Variants in CPB2 observed in about 807,000 individuals in gnomAD.
CPB2 encodes carboxypeptidase B-like protein.
Under a neutral mutation model 57.0 loss-of-function variants are expected in CPB2, and 54 were observed. The observed-to-expected ratio is 0.95, with a 90% CI of 0.76 to 1.19. CPB2 has a LOEUF of 1.19. CPB2 is among the 50% of genes most tolerant of loss of function. The pLI, the probability that CPB2 is intolerant of heterozygous loss-of-function variation, is 0.00. For missense variants in CPB2, 426 were observed against 512.0 expected, an observed-to-expected ratio of 0.83 and a Z score of 1.62; for synonymous variants, 189 against 178.1, an observed-to-expected ratio of 1.06 and a Z score of -0.49.
intron 1 of CPB2, among the ~76,000 whole-genome samples, chr13:46,095,427 T>G (rs1261848089): frequency 6.6e-6 from 1 of 152,160 alleles, no homozygotes; most frequent in African/African-American, 2.4e-5. Flanking sequence ...CACATTTAAT[T>G]TGCCATCTGG....
Position 46,058,277 on chromosome 13 carries a change from T to C in CPB2, c.901A>G (p.Asn301Asp). The C allele has an allele frequency of 6.2e-7, 1 of 1,614,096 alleles. No individual in the cohort carries two copies. Among genetic ancestry groups the C allele is most frequent in the Non-Finnish European group, 8.5e-7 (1 of 1,179,940 alleles). ...ATGCTGATGTATGCTTTAATCTGGT[T>C]GATATTTCTTCTCAAGAAACTAGCC... ...AVASFLRRNI[N>D]QIKAYISMHS... The change falls in exon 9 of 11, where the codon AAC becomes GAC. Residue 301 changes from asparagine to aspartate, a missense_variant. Transcript: ENST00000181383.
intron 6 of CPB2, chr13:46,073,390 C>A: frequency 5.6e-6 from 4 of 715,122 alleles, no homozygotes; most frequent in Non-Finnish European, 6.9e-6. Flanking sequence ...ATGCAAAACC[C>A]TTCTTCAGGA....
intron 1 of CPB2, among the ~76,000 whole-genome samples, chr13:46,088,982 CT>C (rs199541259): frequency 2.3e-3 from 301 of 131,582 alleles, no homozygotes; most frequent in African/African-American, 4.3e-3. Context: ...TGATGATGTG[CT>C]TTTTTTTTTT....
intron 7 of CPB2, among the ~76,000 whole-genome samples, chr13:46,065,507 G>A (rs2044839896): frequency 6.6e-6 from 1 of 151,438 alleles, no homozygotes; most frequent in African/African-American, 2.4e-5. Context: ...GGCACCTGTA[G>A]TCCCAGCTAC....
At chr13:46,081,113 G>T (rs923107779) in intron 4 of CPB2, among the ~76,000 whole-genome samples, 1 of 151,872 alleles carries the variant, frequency 6.6e-6, no homozygotes, top group Non-Finnish European at 1.5e-5. Context: ...AGAATCATGA[G>T]AAAACAAATT....
chr13:46,088,334 T>G (rs1032145167), intron 1 of CPB2, among the ~76,000 whole-genome samples: 1 of 152,198 alleles, frequency 6.6e-6, no homozygotes, highest in African/African-American at 2.4e-5. Context: ...ATAGCATGGA[T>G]TTTTAAACAC....
chr13:46,095,880 T>C (rs2139420403), intron 1 of CPB2, among the ~76,000 whole-genome samples: 1 of 147,108 alleles, frequency 6.8e-6, no homozygotes, highest in South Asian at 2.2e-4. Flanking sequence ...ATAGGACTTT[T>C]TTTTTTTTTT....
intron 5 of CPB2, among the ~76,000 whole-genome samples, chr13:46,074,272 G>A (rs888331074): frequency 6.6e-6 from 1 of 152,178 alleles, no homozygotes; most frequent in Non-Finnish European, 1.5e-5. Flanking sequence ...GCATGTGGAA[G>A]TTTCAAAGAA....
chr13:46,081,713 T>G (rs548202743), intron 4 of CPB2, among the ~76,000 whole-genome samples: 1 of 152,338 alleles, frequency 6.6e-6, no homozygotes, highest in Admixed American at 6.5e-5. Flanking sequence ...GCAATATAGC[T>G]GCATACTCAT....
chr13:46,053,693 T>C lies in CPB2; in HGVS notation c.1193A>G (p.Glu398Gly). 1 of 1,614,168 alleles carries C rather than the reference T, an allele frequency of 6.2e-7. No homozygotes were observed. Among genetic ancestry groups the C allele is most frequent in the South Asian group, 1.1e-5 (1 of 91,080 alleles). ...TCTACAGGTGGGTTTGATGTAACGC[T>C]CCGGCAGCAAGAATCCGTATGTGCC... ...DTGTYGFLLPERYIKPTCREA... is the reference protein window; with the variant it reads ...DTGTYGFLLPGRYIKPTCREA... Residue 398 changes from glutamate (E) to glycine (G), a missense_variant, in exon 11 of 11, where the codon GAG (glutamate) becomes GGG (glycine). By Grantham distance (98) the Glu-to-Gly change is moderately conservative. Coordinates refer to ENST00000181383, the MANE Select transcript of CPB2 (RefSeq NM_001872.5).
chr13:46,086,722 G>C (rs1021895107), intron 2 of CPB2, among the ~76,000 whole-genome samples: 1 of 152,224 alleles, frequency 6.6e-6, no homozygotes, highest in Non-Finnish European at 1.5e-5. Context: ...GCCTCCTACG[G>C]CTATTTATGG....
intron 1 of CPB2, chr13:46,100,005 A>G (rs943641840): frequency 1.3e-5 from 2 of 152,192 alleles, no homozygotes; most frequent in Admixed American, 1.3e-4. Context: ...AGCCTGGGTA[A>G]GAGAGCATGA....
chr13:46,084,983 T>C (rs2139398181), intron 2 of CPB2, among the ~76,000 whole-genome samples: 1 of 152,092 alleles, frequency 6.6e-6, no homozygotes, highest in Middle Eastern at 3.4e-3. Context: ...CCCGGGTAGC[T>C]GGGACTACAG....
chr13:46,086,537 T>A (rs1349539859), intron 2 of CPB2, among the ~76,000 whole-genome samples: 3 of 152,046 alleles, frequency 2.0e-5, no homozygotes, highest in Non-Finnish European at 4.4e-5. Context: ...ATCCGGGGGA[T>A]TTCTATGGGC....
In CPB2 at chr13:46,053,776, G is replaced by A. The variant is rs1465418602; in HGVS notation, c.1110C>T (p.Asp370=). Reference sequence around the variant, plus strand: ...TGATGCCCAAATCATAGATCCAATCGTCCCCACCTCCAGGAGCTAGGTCTA... The same window carrying A: ...TGATGCCCAAATCATAGATCCAATCATCCCCACCTCCAGGAGCTAGGTCTA... The part of the protein sequence containing the change: ...ETLYLAPGGG[D]DWIYDLGIKY... Residue 370 remains aspartate (D), a synonymous_variant, in exon 11 of 11, where the codon GAC becomes GAT. Transcript: ENST00000181383. 4 of 1,613,892 alleles carry A rather than the reference G, an allele frequency of 2.5e-6. No homozygotes were observed. The highest frequency in any genetic ancestry group is 4.5e-5 in the East Asian group (2 of 44,888).
At chr13:46,080,653 C>A (rs1421295714) in intron 4 of CPB2, among the ~76,000 whole-genome samples, 1 of 151,884 alleles carries the variant, frequency 6.6e-6, no homozygotes, top group Non-Finnish European at 1.5e-5. Context: ...CAGAGAGAGA[C>A]CAGGGATGCA....
rs143874588 is a variant in CPB2 at position 46,062,368 on chromosome 13, C to T, written c.796+2280G>A. Among the ~76,000 whole-genome samples the T allele has an allele frequency of 2.9e-3, 439 of 152,224 alleles. 2 individuals carry two copies. The highest frequency in any genetic ancestry group is 7.9e-3 in the South Asian group (38 of 4,828). On this transcript the variant is annotated intron_variant, in intron 8 of 10. Coordinates refer to ENST00000181383, the MANE Select transcript of CPB2 (RefSeq NM_001872.5). ...GGAAGGGACTTAACTGTTTTCAGCC[C>T]GGGTTTCTCCATCTATGATTCATAG...
At chr13:46,100,741 T>A (rs966813569) in intron 1 of CPB2, 1 of 152,148 alleles carries the variant, frequency 6.6e-6, no homozygotes, top group African/African-American at 2.4e-5. Context: ...TAATGTTAGA[T>A]GCCATCCAAT....
Position 46,053,945 on chromosome 13 carries a change from A to G in CPB2, c.1088-147T>C, listed in dbSNP as rs2044635544. 35 of 691,874 alleles carry G rather than the reference A, an allele frequency of 5.1e-5. No homozygotes were observed. In the East Asian group the frequency reaches 9.5e-4, roughly 19 times the overall value. The allele number at this position is 691,874 out of a possible 1,614,324, so 42.9% of individuals were successfully genotyped here. On this transcript the variant is annotated intron_variant, in intron 10 of 10. Coordinates refer to ENST00000181383, the MANE Select transcript of CPB2 (RefSeq NM_001872.5). Reference sequence around the variant, plus strand: ...TAATATAAACAACTTTACAATGAGTACCCTTGTTTATACATAATTGCTTCT... The same window carrying G: ...TAATATAAACAACTTTACAATGAGTGCCCTTGTTTATACATAATTGCTTCT...
Sources: gnomAD v4.1 joint callset for allele counts (sites outside exome capture counted in the v4.1 genomes callset) on GRCh38, gnomAD v4.1.1 for gene constraint, MANE v1.5 for transcripts, NCBI Gene and HGNC (gene_info 2026-07-23, HGNC 2026-07-21) for gene names.